The following JOSD1 variants were observed in gnomAD, a reference collection of about 807,000 sequenced individuals.
The protein encoded by JOSD1 is josephin-1.
JOSD1 carries 11 observed loss-of-function variants against 24.3 expected under a neutral mutation model. The ratio of observed to expected loss-of-function variants is 0.45; its 90% CI spans 0.29 to 0.75. JOSD1 has a LOEUF of 0.75. Among genes scored for constraint, JOSD1 ranks in the 30% least tolerant of loss-of-function variants. The pLI is 0.11. For synonymous variants in JOSD1, 106 were observed against 93.8 expected, an observed-to-expected ratio of 1.13 and a Z score of -0.75; for missense variants, 184 against 253.5, an observed-to-expected ratio of 0.73 and a Z score of 1.86.
intron 2 of JOSD1, 53 bp from the exon 3 acceptor site, chr22:38,689,477 G>A: frequency 6.2e-7 from 1 of 1,606,474 alleles, no homozygotes; most frequent in Non-Finnish European, 8.5e-7. Flanking sequence ...TGAACCCCCT[G>A]ACCCCGCACT....
chr22:38,691,003 C>T (rs762921148), intron 2 of JOSD1, among the ~76,000 whole-genome samples: 3 of 152,106 alleles, frequency 2.0e-5, no homozygotes, highest in Admixed American at 6.5e-5. Flanking sequence ...GTCACCACTG[C>T]ATCCAGCCTG....
chr22:38,700,642 G>T (rs2092564888), intron 1 of JOSD1, 24 bp from the exon 2 acceptor site: 1 of 983,726 alleles, frequency 1.0e-6, no homozygotes, highest in African/African-American at 1.7e-5. Context: ...GACAACTCCG[G>T]TCAGCGGCGA....
intron 2 of JOSD1, among the ~76,000 whole-genome samples, chr22:38,692,545 G>A (rs1174679859): frequency 6.6e-6 from 1 of 152,056 alleles, no homozygotes; most frequent in African/African-American, 2.4e-5. Context: ...TTGGGAGGCC[G>A]AGGTGGGAGG....
chr22:38,695,958 A>G (rs2092544267), intron 2 of JOSD1, among the ~76,000 whole-genome samples: 1 of 152,102 alleles, frequency 6.6e-6, no homozygotes, highest in Non-Finnish European at 1.5e-5. Flanking sequence ...CAGGAGGCTG[A>G]GGCAGGAGGA....
At position 38,689,137 on chromosome 22, in the gene JOSD1, G is replaced by A; in HGVS notation, c.315-8C>T. 2 of 1,610,132 alleles carry A rather than the reference G, an allele frequency of 1.2e-6. No homozygotes were observed. Among genetic ancestry groups the A allele is most frequent in the Non-Finnish European group, 1.7e-6 (2 of 1,176,974 alleles). On this transcript the variant is annotated splice_region_variant and splice_polypyrimidine_tract_variant and intron_variant, in intron 3 of 4. Coordinates refer to ENST00000683374, the MANE Select transcript of JOSD1 (RefSeq NM_001360236.2). ...GCAATGACACCGACATCCCTGCAGG[G>A]GAGAAATGGTGGCAGGCTCTGATGC...
At chr22:38,688,643 C>A (rs963239680) in intron 4 of JOSD1, among the ~76,000 whole-genome samples, 7 of 152,142 alleles carry the variant, frequency 4.6e-5, no homozygotes, top group Non-Finnish European at 1.0e-4. Context: ...TATGAACTGG[C>A]AACTACACTG....
At chr22:38,693,964 G>T (rs1389397091) in intron 2 of JOSD1, among the ~76,000 whole-genome samples, 1 of 152,216 alleles carries the variant, frequency 6.6e-6, no homozygotes, top group East Asian at 1.9e-4. Context: ...GACTGTTGGA[G>T]AATTCAGTTA....
intron 2 of JOSD1, among the ~76,000 whole-genome samples, chr22:38,694,579 C>T (rs769383962): frequency 6.6e-6 from 1 of 151,998 alleles, no homozygotes; most frequent in Non-Finnish European, 1.5e-5. Context: ...AGTGAAAAGA[C>T]GGGCCAGGCG....
chr22:38,687,757 G>A lies in JOSD1; in HGVS notation c.*145C>T, dbSNP rs8142619. ...GAGTAGTTCTTATAACAGTCCACAC[G>A]TCTGTCCTATTGCACTGTCAGATCT... On this transcript the variant is annotated 3_prime_UTR_variant, in exon 5 of 5. Transcript: ENST00000683374. 6.3e-6 allele frequency: 4 copies of A among 633,878 alleles called. No individual in the cohort carries two copies. Among genetic ancestry groups the A allele is most frequent in the South Asian group, 3.8e-5 (2 of 52,392 alleles). 39.3% of individuals were successfully genotyped at this position (633,878 alleles called of 1,614,324 possible).
In JOSD1 at chr22:38,689,038, T is replaced by G; in HGVS notation, c.406A>C (p.Lys136Gln). Residue 136 changes from lysine to glutamine, a missense_variant, in exon 4 of 5, where the codon AAA becomes CAA. Transcript: ENST00000683374. The part of the protein sequence containing the change: ...LCWGPLKLPL[K>Q]RQHWICVREV... ...CGAACACAGATCCAGTGCTGCCTTT[T>G]GAGGGGCAGTTTCAGTGGACCCCAG... 1 of 1,614,192 alleles carries G rather than the reference T, an allele frequency of 6.2e-7. No individual in the cohort carries two copies. Among genetic ancestry groups the G allele is most frequent in the East Asian group, 2.2e-5 (1 of 44,888 alleles).
intron 2 of JOSD1, among the ~76,000 whole-genome samples, chr22:38,696,420 TAG>T (rs1389086825): frequency 9.2e-5 from 14 of 152,012 alleles, no homozygotes; most frequent in Admixed American, 9.2e-4. Context: ...TTTTTTTTAA[TAG>T]AGACATGGTT....
chr22:38,692,652 G>T (rs1285954312), intron 2 of JOSD1, among the ~76,000 whole-genome samples: 2 of 151,580 alleles, frequency 1.3e-5, no homozygotes, highest in Non-Finnish European at 2.9e-5. Context: ...GTGGTGGCAG[G>T]TGCCTGTAAT....
intron 2 of JOSD1, among the ~76,000 whole-genome samples, chr22:38,695,071 T>C (rs532477110): frequency 2.6e-5 from 4 of 152,262 alleles, no homozygotes; most frequent in South Asian, 4.1e-4. Flanking sequence ...CCTTATCAGA[T>C]CTGAAGAGAT....
Position 38,689,381 on chromosome 22 carries a change from G to A in JOSD1, c.229C>T (p.Leu77=), listed in dbSNP as rs767153993. ...TTCACATCGTAGTTGCCATTTCCCA[G>A]CATGCTCTTCTTGTGAGGTGTCACC... ...TMVTPHKKSM[L]GNGNYDVNVI... is the part of the protein sequence containing the mutation. Residue 77 remains leucine, a synonymous_variant, in exon 3 of 5, where the codon CTG becomes TTG. Coordinates refer to ENST00000683374, the MANE Select transcript of JOSD1 (RefSeq NM_001360236.2). 2 of 1,614,084 alleles carry A rather than the reference G, an allele frequency of 1.2e-6. No individual in the cohort carries two copies. Among genetic ancestry groups the A allele is most frequent in the African/African-American group, 2.7e-5 (2 of 74,922 alleles).
rs577146935 is a variant in JOSD1 at position 38,694,718 on chromosome 22, C to T, written c.185+5085G>A. 6.6e-5 allele frequency among the ~76,000 whole-genome samples: 10 copies of T among 151,932 alleles called. No homozygotes were observed. In the South Asian group the frequency reaches 1.2e-3, roughly 19 times the overall value. On this transcript the variant is annotated intron_variant, in intron 2 of 4. Coordinates refer to ENST00000683374, the MANE Select transcript of JOSD1 (RefSeq NM_001360236.2). The stretch of plus-strand genomic sequence containing the variant: ...TCTACTAAAAATACAAAAAAGTAGC[C>T]GGGCGTGGTGGTGGGCGCCTGTAGT...
At position 38,685,746 on chromosome 22, in the gene JOSD1, G is replaced by A. The variant is rs1569261069; in HGVS notation, c.*2156C>T. On this transcript the variant is annotated 3_prime_UTR_variant, in exon 5 of 5. Transcript: ENST00000683374. Reference sequence around the variant, plus strand: ...AAAAAGCCTAGGGTTGCCCGTTATTGGGCATCAGGGTCAGGCCTGTTCACT... The same window carrying A: ...AAAAAGCCTAGGGTTGCCCGTTATTAGGCATCAGGGTCAGGCCTGTTCACT... 6.6e-6 allele frequency: 1 copy of A among 152,664 alleles called. No individual in the cohort carries two copies. The highest frequency in any genetic ancestry group is 1.5e-5 in the Non-Finnish European group (1 of 68,046). The allele number at this position is 152,664 out of a possible 1,614,324, so 9.5% of individuals were successfully genotyped here.
chr22:38,698,074 C>T (rs1395637244), intron 2 of JOSD1, among the ~76,000 whole-genome samples: 1 of 152,212 alleles, frequency 6.6e-6, no homozygotes, highest in African/African-American at 2.4e-5. Context: ...GGTACTCACC[C>T]TGAGTCCTTT....
In JOSD1 at chr22:38,700,143, T is replaced by C. The variant is rs977529450; in HGVS notation, c.-156A>G. On this transcript the variant is annotated 5_prime_UTR_variant, in exon 2 of 5. Transcript: ENST00000683374. ...TTGTCACTGGGAGAAAAGATTGGAA[T>C]CAAAAGGAAAAAAATAAAACCCACC... The C allele has an allele frequency of 4.5e-6, 6 of 1,338,110 alleles. No individual in the cohort carries two copies. The East Asian group carries it at 1.2e-4, about 26-fold the overall frequency. 82.9% of individuals were successfully genotyped at this position (1,338,110 alleles called of 1,614,324 possible). A position where few individuals can be genotyped will look rare whatever the true frequency, so the allele number is the denominator to read the frequency against.
At chr22:38,689,270 A>G in intron 3 of JOSD1, 26 bp downstream of exon 3, 1 of 1,614,138 alleles carries the variant, frequency 6.2e-7, no homozygotes, top group Non-Finnish European at 8.5e-7. Context: ...GCTGTTCTCC[A>G]TCAAGTCAAG....
Sources: allele counts gnomAD v4.1 joint callset (sites outside exome capture counted in the v4.1 genomes callset), GRCh38; gene constraint gnomAD v4.1.1; transcripts MANE v1.5; gene names NCBI Gene and HGNC (gene_info 2026-07-23, HGNC 2026-07-21).